CPA6: variants seen among roughly 807,000 people sequenced by gnomAD.
CPA6 encodes the protein carboxypeptidase A6, also known as carboxypeptidase B.
CPA6 carries 58 observed loss-of-function variants against 63.3 expected under a neutral mutation model. That is an observed-to-expected ratio of 0.92 (90% CI 0.74 to 1.14). CPA6 has a LOEUF of 1.14. CPA6 is among the 50% of genes most tolerant of loss of function. The probability of loss-of-function intolerance (pLI) is 0.00; values close to 1 mark genes in which losing one functional copy is unlikely to be tolerated. For missense variants in CPA6, 565 were observed against 526.6 expected, an observed-to-expected ratio of 1.07 and a Z score of -0.71; for synonymous variants, 185 against 179.0, an observed-to-expected ratio of 1.03 and a Z score of -0.27.
intron 8 of CPA6, among the ~76,000 whole-genome samples, chr8:67,475,879 CTCCTTTCTTTCTTTCTTTCTTT>C (rs1811206502): frequency 8.9e-5 from 4 of 45,184 alleles, no homozygotes; most frequent in South Asian, 7.9e-4. Flanking sequence ...TTCTTTCTTT[CTCCTTTCTTTCTTTCTTTCTTT>C]CTTTCTTTCT....
chr8:67,540,774 C>T (rs1818156), intron 2 of CPA6, among the ~76,000 whole-genome samples: 45,606 of 152,120 alleles, frequency 0.3, 7,046 homozygotes, highest in South Asian at 0.4. Flanking sequence ...CCACCCAGTT[C>T]GAACTTCCTG....
intron 1 of CPA6, among the ~76,000 whole-genome samples, chr8:67,725,601 A>G (rs1817582455): frequency 6.6e-6 from 1 of 152,152 alleles, no homozygotes; most frequent in Admixed American, 6.6e-5. Flanking sequence ...GCTCACTGCA[A>G]CCTTGAACTC....
intron 1 of CPA6, among the ~76,000 whole-genome samples, chr8:67,716,013 G>A (rs959280105): frequency 1.3e-5 from 2 of 152,000 alleles, no homozygotes; most frequent in Non-Finnish European, 2.9e-5. Context: ...AATTAGCTGG[G>A]TGTGGTGGCA....
At chr8:67,720,091 G>C (rs558891930) in intron 1 of CPA6, among the ~76,000 whole-genome samples, 1 of 151,930 alleles carries the variant, frequency 6.6e-6, no homozygotes, top group Non-Finnish European at 1.5e-5. Context: ...AGGGTGGGGC[G>C]GTTTTACAGG....
intron 2 of CPA6, among the ~76,000 whole-genome samples, chr8:67,556,575 C>T (rs940921972): frequency 5.9e-5 from 9 of 152,164 alleles, no homozygotes; most frequent in African/African-American, 1.9e-4. Flanking sequence ...TGGGGCCAAC[C>T]CTCACTCAGA....
intron 8 of CPA6, among the ~76,000 whole-genome samples, chr8:67,471,854 A>G (rs1224517739): frequency 6.6e-6 from 1 of 152,210 alleles, no homozygotes; most frequent in Non-Finnish European, 1.5e-5. Flanking sequence ...AATATTTAAT[A>G]ACATTAGTGA....
rs71253008 is a variant in CPA6 at position 67,475,767 on chromosome 8, C to CTCTTTCTTTCTT, written c.838+7989_838+8000dup. Among the ~76,000 whole-genome samples, 212 of 71,652 alleles carry CTCTTTCTTTCTT rather than the reference C, an allele frequency of 3.0e-3. 5 individuals are homozygous for CTCTTTCTTTCTT. Among genetic ancestry groups the CTCTTTCTTTCTT allele is most frequent in the Middle Eastern group, 6.8e-3 (1 of 146 alleles). 47.0% of individuals were successfully genotyped at this position (71,652 alleles called of 152,430 possible). On this transcript the variant is annotated intron_variant, in intron 8 of 10. Coordinates refer to ENST00000297770, the MANE Select transcript of CPA6 (RefSeq NM_020361.5). ...TCCTTCTTTCTTTTTTTCTTTCTTT[C>CTCTTTCTTTCTT]TCTTTCTTTCTTTCTTTCTTTCTTT...
chr8:67,626,930 A>T lies in CPA6; in HGVS notation c.117-2679T>A, dbSNP rs539678444. Among the ~76,000 whole-genome samples the T allele has an allele frequency of 1.9e-4, 29 of 152,126 alleles. No individual in the cohort carries two copies. The South Asian group carries it at 5.8e-3, about 31-fold the overall frequency. On this transcript the variant is annotated intron_variant, in intron 1 of 10. Coordinates refer to ENST00000297770, the MANE Select transcript of CPA6 (RefSeq NM_020361.5). ...GCAATCAGTTCCTCTTCTGCAAATA[A>T]GTACAGGATACAAAGAAACTACCCT...
intron 2 of CPA6, among the ~76,000 whole-genome samples, chr8:67,522,985 T>C (rs543562497): frequency 4.6e-5 from 7 of 152,276 alleles, no homozygotes; most frequent in Non-Finnish European, 1.0e-4. Flanking sequence ...ATAATAGTAG[T>C]AGTTATTTTT....
At chr8:67,473,727 C>G (rs1260126520) in intron 8 of CPA6, among the ~76,000 whole-genome samples, 1 of 152,152 alleles carries the variant, frequency 6.6e-6, no homozygotes, top group Non-Finnish European at 1.5e-5. Flanking sequence ...GCCTCATCCT[C>G]CTGAATAACT....
At chr8:67,611,703 A>G (rs1789399101) in intron 2 of CPA6, among the ~76,000 whole-genome samples, 1 of 152,180 alleles carries the variant, frequency 6.6e-6, no homozygotes, top group South Asian at 2.1e-4. Flanking sequence ...CCTAGTTCTC[A>G]TATGCTTTTT....
At chr8:67,653,058 C>A in intron 1 of CPA6, among the ~76,000 whole-genome samples, 1 of 152,090 alleles carries the variant, frequency 6.6e-6, no homozygotes, top group South Asian at 2.1e-4. Context: ...TGTAGATATG[C>A]GGCATTATTT....
chr8:67,677,813 A>G (rs1816508856), intron 1 of CPA6, among the ~76,000 whole-genome samples: 2 of 152,156 alleles, frequency 1.3e-5, no homozygotes, highest in Admixed American at 1.3e-4. Context: ...TCTTTTACAC[A>G]GTCTACAAAA....
At chr8:67,713,127 A>G (rs1477870158) in intron 1 of CPA6, among the ~76,000 whole-genome samples, 6 of 128,898 alleles carry the variant, frequency 4.7e-5, no homozygotes, top group African/African-American at 1.4e-4. Flanking sequence ...ATATATATAT[A>G]TATATATATA....
intron 2 of CPA6, among the ~76,000 whole-genome samples, chr8:67,523,457 A>G (rs1449537377): frequency 1.3e-5 from 2 of 152,178 alleles, no homozygotes; most frequent in Non-Finnish European, 2.9e-5. Flanking sequence ...TGAACCTGGG[A>G]GGCAGAGCTT....
intron 2 of CPA6, among the ~76,000 whole-genome samples, chr8:67,554,928 C>T (rs1012997680): frequency 5.9e-5 from 9 of 152,188 alleles, no homozygotes; most frequent in Non-Finnish European, 8.8e-5. Flanking sequence ...CAGAAACACC[C>T]CCACAGTCAC....
intron 8 of CPA6, among the ~76,000 whole-genome samples, chr8:67,474,756 G>A (rs999569777): frequency 3.3e-5 from 5 of 152,212 alleles, no homozygotes; most frequent in Admixed American, 2.0e-4. Context: ...TGGAAGGATC[G>A]TTTAAGCCCA....
At chr8:67,620,558 C>T (rs1659615580) in intron 2 of CPA6, among the ~76,000 whole-genome samples, 1 of 152,194 alleles carries the variant, frequency 6.6e-6, no homozygotes, top group Admixed American at 6.5e-5. Flanking sequence ...TAGCAATGCC[C>T]ATAATTCTGT....
chr8:67,520,886 A>T (rs6472314), intron 2 of CPA6, among the ~76,000 whole-genome samples: 7 of 152,076 alleles, frequency 4.6e-5, no homozygotes, highest in African/African-American at 1.5e-4. Context: ...GTATTTGGGG[A>T]GGTCTGGTCA....
Sources: allele counts gnomAD v4.1 joint callset (sites outside exome capture counted in the v4.1 genomes callset), GRCh38; gene constraint gnomAD v4.1.1; transcripts MANE v1.5; gene names NCBI Gene and HGNC (gene_info 2026-07-23, HGNC 2026-07-21).